DAB1: variants seen among roughly 807,000 people sequenced by gnomAD.
The protein encoded by DAB1 is disabled homolog 1.
In DAB1, 15 loss-of-function variants were observed where a neutral mutation model predicts 64.6. The ratio of observed to expected loss-of-function variants is 0.23; its 90% confidence interval spans 0.16 to 0.36. DAB1 has a LOEUF of 0.36. Ranked by LOEUF, DAB1 falls within the 10% of genes least tolerant of loss-of-function variation. The pLI is 1.00. For missense variants in DAB1, 596 were observed against 706.7 expected, an observed-to-expected ratio of 0.84 and a Z score of 1.78; for synonymous variants, 235 against 251.9, an observed-to-expected ratio of 0.93 and a Z score of 0.64.
At chr1:58,400,815 G>A (rs1328199590) in intron 3 of DAB1, among the ~76,000 whole-genome samples, 1 of 152,144 alleles carries the variant, frequency 6.6e-6, no homozygotes, top group African/African-American at 2.4e-5. Flanking sequence ...ATTCACAATT[G>A]ATAATTATTA....
At chr1:57,676,391 C>A (rs984107851) in intron 6 of DAB1, among the ~76,000 whole-genome samples, 5 of 152,194 alleles carry the variant, frequency 3.3e-5, no homozygotes, top group African/African-American at 1.2e-4. Context: ...CCAATCTGAT[C>A]AAAGGAGGCT....
intron 5 of DAB1, among the ~76,000 whole-genome samples, chr1:57,998,322 T>A (rs1453264734): frequency 1.3e-5 from 2 of 152,190 alleles, no homozygotes; most frequent in Non-Finnish European, 2.9e-5. Context: ...TCACTAGATA[T>A]TTGTAAATTT....
At chr1:57,302,911 G>A (rs1259334850) in intron 1 of DAB1, among the ~76,000 whole-genome samples, 3 of 152,160 alleles carry the variant, frequency 2.0e-5, no homozygotes, top group Admixed American at 6.5e-5. Flanking sequence ...ACTCCCCCAA[G>A]CCTGAATTTG....
chr1:57,970,948 C>T (rs918834301), intron 5 of DAB1, among the ~76,000 whole-genome samples: 4 of 152,122 alleles, frequency 2.6e-5, no homozygotes, highest in South Asian at 4.1e-4. Context: ...TATCTGAAAG[C>T]CCCCTGGACT....
chr1:57,572,984 C>T (rs989024564), intron 7 of DAB1, among the ~76,000 whole-genome samples: 3 of 152,140 alleles, frequency 2.0e-5, no homozygotes, highest in African/African-American at 7.2e-5. Context: ...CAAACATCTC[C>T]CACCAGGCTC....
At chr1:57,023,085 TG>T (rs1387672337) in intron 11 of DAB1, among the ~76,000 whole-genome samples, 2 of 152,258 alleles carry the variant, frequency 1.3e-5, no homozygotes, top group Non-Finnish European at 2.9e-5. Context: ...CTCCCCACTT[TG>T]TCTGGGGACC....
At position 58,469,401 on chromosome 1, in the gene DAB1, TA is replaced by T. The variant is rs145695070; in HGVS notation, n.257+36658del. Among the ~76,000 whole-genome samples, 25 of 148,942 alleles carry T rather than the reference TA, an allele frequency of 1.7e-4. 1 individual carries two copies. The highest frequency in any genetic ancestry group is 4.2e-4 in the South Asian group (2 of 4,724). On this transcript the variant is annotated intron_variant and non_coding_transcript_variant, in intron 3 of 20. Transcript: ENST00000485760. ...AGTCTGGCACCAACAGTAGGTGCTT[TA>T]AAAAAAAAAACATTAGTTCCTTCCC...
chr1:58,518,852 A>G (rs536118093), intron 2 of DAB1, among the ~76,000 whole-genome samples: 1 of 152,336 alleles, frequency 6.6e-6, no homozygotes, highest in South Asian at 2.1e-4. Flanking sequence ...CACGAGCTCT[A>G]AGAATTTTAA....
intron 3 of DAB1, among the ~76,000 whole-genome samples, chr1:58,375,508 G>C (rs1238623245): frequency 2.8e-5 from 4 of 143,014 alleles, no homozygotes; most frequent in African/African-American, 8.1e-5. Flanking sequence ...TATTGAACCA[G>C]CCTTGCATCC....
chr1:58,536,474 T>C, intron 1 of DAB1: 1 of 812,926 alleles, frequency 1.2e-6, no homozygotes, highest in Non-Finnish European at 2.2e-6. Context: ...TTGAGTGTTA[T>C]ATTAAGCAGT....
At chr1:57,371,518 G>A (rs1377831058) in intron 1 of DAB1, among the ~76,000 whole-genome samples, 2 of 152,152 alleles carry the variant, frequency 1.3e-5, no homozygotes, top group Middle Eastern at 3.2e-3. Flanking sequence ...TACATTTATG[G>A]AAGCGTCTAA....
intron 3 of DAB1, among the ~76,000 whole-genome samples, chr1:58,357,802 G>C (rs1317297765): frequency 6.7e-5 from 3 of 44,830 alleles, no homozygotes; most frequent in African/African-American, 1.6e-4. Flanking sequence ...ACAGGACAGA[G>C]ACCTGTGAAA....
chr1:58,156,983 C>T (rs1198890847), intron 4 of DAB1, among the ~76,000 whole-genome samples: 1 of 152,142 alleles, frequency 6.6e-6, no homozygotes, highest in African/African-American at 2.4e-5. Context: ...ATCTGGTCTG[C>T]CTACCGAACG....
intron 3 of DAB1, among the ~76,000 whole-genome samples, chr1:58,387,503 T>C (rs1002871993): frequency 3.3e-5 from 5 of 151,456 alleles, no homozygotes; most frequent in African/African-American, 1.2e-4. Flanking sequence ...CTTCGGGAGG[T>C]GGTGGGAAAG....
chr1:57,772,235 G>A (rs1649594722), intron 6 of DAB1, among the ~76,000 whole-genome samples: 1 of 152,064 alleles, frequency 6.6e-6, no homozygotes, highest in African/African-American at 2.4e-5. Flanking sequence ...ATAGGATGAT[G>A]CTGCAAGAAG....
At chr1:57,715,162 A>C (rs1419232908) in intron 6 of DAB1, among the ~76,000 whole-genome samples, 1 of 152,242 alleles carries the variant, frequency 6.6e-6, no homozygotes, top group Admixed American at 6.5e-5. Flanking sequence ...ACATTAATAG[A>C]ATCAAGGACA....
Position 57,105,617 on chromosome 1 carries a change from CCTT to C in DAB1, c.306+30923_306+30925del, listed in dbSNP as rs771018910. ...CACATTTTAATACCCCACTTTTTTC[CCTT>C]CTTCTCATTTTCATGTAAATCAGGT... On this transcript the variant is annotated intron_variant, in intron 4 of 14. Coordinates refer to ENST00000371236, the MANE Select transcript of DAB1 (RefSeq NM_001365792.1). 2.0e-5 allele frequency among the ~76,000 whole-genome samples: 3 copies of C among 152,098 alleles called. No homozygotes were observed. The East Asian group carries it at 5.8e-4, about 29-fold the overall frequency.
intron 6 of DAB1, among the ~76,000 whole-genome samples, chr1:57,779,622 G>C (rs1649971390): frequency 6.6e-6 from 1 of 152,158 alleles, no homozygotes; most frequent in Non-Finnish European, 1.5e-5. Flanking sequence ...AATATTTATT[G>C]AGTGGATATG....
intron 2 of DAB1, among the ~76,000 whole-genome samples, chr1:57,235,955 C>T (rs925679993): frequency 1.3e-5 from 2 of 152,228 alleles, no homozygotes; most frequent in African/African-American, 2.4e-5. Flanking sequence ...AAGCAGCAGT[C>T]TCTTTATCTC....
Sources: gnomAD v4.1 joint callset for allele counts (sites outside exome capture counted in the v4.1 genomes callset) on GRCh38, gnomAD v4.1.1 for gene constraint, MANE v1.5 for transcripts, NCBI Gene and HGNC (gene_info 2026-07-23, HGNC 2026-07-21) for gene names.